TNFAIP3: variants seen among roughly 807,000 people sequenced by gnomAD.
The protein encoded by TNFAIP3 is TNF alpha induced protein 3, also known as tumor necrosis factor alpha-induced protein 3.
Under a neutral mutation model 72.4 loss-of-function variants are expected in TNFAIP3, and 9 were observed. The observed-to-expected ratio is 0.12, with a 90% CI of 0.07 to 0.22. TNFAIP3 has a LOEUF of 0.22. Ranked by LOEUF, TNFAIP3 falls within the 10% of genes least tolerant of loss-of-function variation. The pLI is 1.00. For synonymous variants in TNFAIP3, 339 were observed against 372.6 expected (o/e 0.91, Z 1.04); for missense variants, 833 against 1,018.7 (o/e 0.82, Z 2.48).
chr6:137,873,469 C>A (rs1330092516), intron 2 of TNFAIP3, among the ~76,000 whole-genome samples: 1 of 152,202 alleles, frequency 6.6e-6, no homozygotes, highest in Non-Finnish European at 1.5e-5. Flanking sequence ...CTTGGAAAGT[C>A]CAGGGTGCAC....
intron 5 of TNFAIP3, 41 bp from the exon 6 acceptor site, chr6:137,877,035 A>T: frequency 6.9e-7 from 1 of 1,453,750 alleles, no homozygotes; most frequent in Non-Finnish European, 9.3e-7. Context: ...GGCCTTGTTT[A>T]GTAGAATACT....
chr6:137,880,247 C>T lies in TNFAIP3; in HGVS notation c.2083C>T (p.Gln695Ter), dbSNP rs1562274122. Reference protein sequence around the residue: ...RFHEAKRTEEQLRSSQRRDVP... With the variant: ...RFHEAKRTEE ...TCATGAGGCCAAAAGGACAGAAGAG[C>T]AACTGGTGAGACACTTGGAGGAGCT... The change falls in exon 8 of 9, where the codon CAA becomes TAA. Residue 695 changes from glutamine to a stop codon, truncating the protein, a stop_gained. Transcript: ENST00000612899. LOFTEE classifies it high-confidence loss of function. 1 of 1,614,060 alleles carries T rather than the reference C, an allele frequency of 6.2e-7. No individual in the cohort carries two copies. Among genetic ancestry groups the T allele is most frequent in the South Asian group, 1.1e-5 (1 of 91,088 alleles).
chr6:137,879,332 C>T lies in TNFAIP3; in HGVS notation c.1887C>T (p.Ile629=), dbSNP rs745995933. 1 of 1,613,288 alleles carries T rather than the reference C, an allele frequency of 6.2e-7. No homozygotes were observed. The highest frequency in any genetic ancestry group is 8.5e-7 in the Non-Finnish European group (1 of 1,179,468). Residue 629 remains isoleucine (I), a synonymous_variant, in exon 7 of 9, where the codon ATC becomes ATT. Coordinates refer to ENST00000612899, the MANE Select transcript of TNFAIP3 (RefSeq NM_001270508.2). ...ENKGFCTLCF[I]EYRENKHFAA... is the part of the protein sequence containing the mutation. ...AGGGCTTTTGCACACTGTGTTTCAT[C>T]GAGTACAGAGAAAACAAACGTGAGT...
At chr6:137,875,920 T>G in intron 4 of TNFAIP3, 76 bp from the exon 5 acceptor site, 1 of 1,601,714 alleles carries the variant, frequency 6.2e-7, no homozygotes. Context: ...ACTGCCAAAG[T>G]TCAGGTAACA....
rs548886081 is a variant in TNFAIP3 at position 137,876,060 on chromosome 6, C to T, written c.699C>T (p.Tyr233=). 2 of 1,614,162 alleles carry T rather than the reference C, an allele frequency of 1.2e-6. No homozygotes were observed. The highest frequency in any genetic ancestry group is 2.2e-5 in the South Asian group (2 of 91,068). Residue 233 remains tyrosine (Y), a synonymous_variant, in exon 5 of 9, where the codon TAC becomes TAT. Coordinates refer to ENST00000612899, the MANE Select transcript of TNFAIP3 (RefSeq NM_001270508.2). ...NFAPLKVGGI[Y]LPLHWPAQEC... The stretch of plus-strand genomic sequence containing the variant: ...CCCCTTTGAAAGTGGGTGGAATTTA[C>T]TTGCCTCTCCACTGGCCTGCCCAGG...
In TNFAIP3 at chr6:137,877,087, G is replaced by C; in HGVS notation, c.817G>C (p.Val273Leu). ...LKDSGPEIRAVPLVNRDRGRF... is the reference protein window; with the variant it reads ...LKDSGPEIRALPLVNRDRGRF... ...ATTTTTTTCCTTAGAAATCCGAGCTGTTCCACTTGTTAACAGAGACCGGGG... is the reference window on the plus strand; with the variant it reads ...ATTTTTTTCCTTAGAAATCCGAGCTCTTCCACTTGTTAACAGAGACCGGGG... Residue 273 changes from valine (V) to leucine (L), a missense_variant, in exon 6 of 9, where the codon GTT becomes CTT. Around this residue, in one of 2 missense-constraint regions of TNFAIP3, gnomAD observed 246 missense variants for 360.9 expected, o/e 0.68. Coordinates refer to ENST00000612899, the MANE Select transcript of TNFAIP3 (RefSeq NM_001270508.2). 1 of 1,602,888 alleles carries C rather than the reference G, an allele frequency of 6.2e-7. No homozygotes were observed. The highest frequency in any genetic ancestry group is 8.5e-7 in the Non-Finnish European group (1 of 1,174,246).
chr6:137,883,209 C>T lies in TNFAIP3; in HGVS notation c.*1890C>T, dbSNP rs562176404. On this transcript the variant is annotated 3_prime_UTR_variant, in exon 9 of 9. Transcript: ENST00000612899. ...TTTGAAATTTGCACATTTAATTGTCCCTAATAGAAAGCCACCTATTCTTTG... is the reference window on the plus strand; with the variant it reads ...TTTGAAATTTGCACATTTAATTGTCTCTAATAGAAAGCCACCTATTCTTTG... 1.5e-5 allele frequency: 3 copies of T among 197,540 alleles called. No homozygotes were observed. The East Asian group carries it at 2.5e-4, about 16-fold the overall frequency. The allele number at this position is 197,540 out of a possible 1,614,324, so 12.2% of individuals were successfully genotyped here.
chr6:137,875,100 G>A (rs1031760865), intron 3 of TNFAIP3, 65 bp downstream of exon 3: 20 of 1,573,766 alleles, frequency 1.3e-5, no homozygotes, highest in Middle Eastern at 1.7e-4. Context: ...ACCCCTGGGC[G>A]AGTCCCTGCC....
At chr6:137,876,522 T>C (rs1456443398) in intron 5 of TNFAIP3, among the ~76,000 whole-genome samples, 1 of 151,970 alleles carries the variant, frequency 6.6e-6, no homozygotes, top group Non-Finnish European at 1.5e-5. Flanking sequence ...CATGGCTCAT[T>C]GCAGCCTCCA....
chr6:137,879,034 G>A lies in TNFAIP3; in HGVS notation c.1589G>A (p.Arg530Lys). The change falls in exon 7 of 9, where the codon AGG becomes AAG. Residue 530 changes from arginine (R) to lysine (K), a missense_variant. Physicochemically the swap from Arg to Lys is conservative, Grantham distance 26. Transcript: ENST00000612899. ...KCQACLQDVTRTFNGICSTCF... is the reference protein window; with the variant it reads ...KCQACLQDVTKTFNGICSTCF... ...CAAGCCTGCCTCCAGGATGTTACCA[G>A]GACATTTAATGGGATCTGCAGTACT... The A allele has an allele frequency of 6.2e-7, 1 of 1,614,230 alleles. No individual in the cohort carries two copies. Among genetic ancestry groups the A allele is most frequent in the Non-Finnish European group, 8.5e-7 (1 of 1,180,038 alleles).
At position 137,877,267 on chromosome 6, in the gene TNFAIP3, T is replaced by C; in HGVS notation, c.986+11T>C. ...CATCAATGCCGCAAAGTAAGCAGTT[T>C]ATGTTCAGCTCTCTCCTGTGTCATC... On this transcript the variant is annotated intron_variant, in intron 6 of 8. Coordinates refer to ENST00000612899, the MANE Select transcript of TNFAIP3 (RefSeq NM_001270508.2). 6.2e-7 allele frequency: 1 copy of C among 1,602,090 alleles called. No individual in the cohort carries two copies. The highest frequency in any genetic ancestry group is 8.5e-7 in the Non-Finnish European group (1 of 1,174,260).
intron 5 of TNFAIP3, 76 bp downstream of exon 5, chr6:137,876,242 AAC>A: frequency 2.4e-6 from 3 of 1,237,360 alleles, no homozygotes; most frequent in Non-Finnish European, 3.5e-6. Flanking sequence ...TTCTTATTAA[AAC>A]AGTCTTATTT....
At chr6:137,880,907 C>T in intron 8 of TNFAIP3, 128 bp from the exon 9 acceptor site, 1 of 992,988 alleles carries the variant, frequency 1.0e-6, no homozygotes, top group Non-Finnish European at 1.5e-6. Flanking sequence ...TCTCCTGTTC[C>T]CTTGCTCAGG....
Position 137,875,849 on chromosome 6 carries a change from A to C in TNFAIP3, c.634+14A>C. On this transcript the variant is annotated intron_variant, in intron 4 of 8. Transcript: ENST00000612899. ...TTGTCATTTCAGGTGAGATGCCTGC[A>C]GATCACGGATCTGTACTTAAATGCT... 1.2e-6 allele frequency: 2 copies of C among 1,614,156 alleles called. No homozygotes were observed. The highest frequency in any genetic ancestry group is 1.7e-6 in the Non-Finnish European group (2 of 1,180,006).
At chr6:137,874,434 G>A (rs148526648) in intron 2 of TNFAIP3, among the ~76,000 whole-genome samples, 33 of 152,314 alleles carry the variant, frequency 2.2e-4, no homozygotes, top group African/African-American at 7.7e-4. Context: ...CTAGAGAGCA[G>A]CAATGCCAGT....
chr6:137,874,625 G>A (rs1265230508), intron 2 of TNFAIP3, among the ~76,000 whole-genome samples: 1 of 152,076 alleles, frequency 6.6e-6, no homozygotes, highest in Non-Finnish European at 1.5e-5. Context: ...CTTTGCAGTT[G>A]GTGTCATTCA....
At chr6:137,869,789 G>T (rs774373306) in intron 1 of TNFAIP3, among the ~76,000 whole-genome samples, 1 of 152,180 alleles carries the variant, frequency 6.6e-6, no homozygotes, top group Non-Finnish European at 1.5e-5. Flanking sequence ...CTGGAAAGTT[G>T]CCCTGGCAAA....
chr6:137,875,412 A>AGGGGCTGC (rs1360564313), intron 3 of TNFAIP3, among the ~76,000 whole-genome samples: 1 of 152,168 alleles, frequency 6.6e-6, no homozygotes, highest in Non-Finnish European at 1.5e-5. Flanking sequence ...CATTTGGATA[A>AGGGGCTGC]GGGGCTGCAA....
chr6:137,880,075 T>G lies in TNFAIP3; in HGVS notation c.1911T>G (p.Phe637Leu). The G allele has an allele frequency of 6.2e-7, 1 of 1,614,084 alleles. No individual in the cohort carries two copies. The highest frequency in any genetic ancestry group is 1.3e-5 in the African/African-American group (1 of 75,050). Reference protein sequence around the residue: ...CFIEYRENKHFAAASGKVSPT... With the variant: ...CFIEYRENKHLAAASGKVSPT... ...CTAGCATCCATTCTCATGTAGATTTTGCTGCTGCCTCAGGGAAAGTCAGTC... is the reference window on the plus strand; with the variant it reads ...CTAGCATCCATTCTCATGTAGATTTGGCTGCTGCCTCAGGGAAAGTCAGTC... Residue 637 changes from phenylalanine (F) to leucine (L), a missense_variant, in exon 8 of 9, where the codon TTT becomes TTG. Physicochemically the swap from Phe to Leu is conservative, Grantham distance 22. Coordinates refer to ENST00000612899, the MANE Select transcript of TNFAIP3 (RefSeq NM_001270508.2).
Sources: gnomAD v4.1 joint callset for allele counts (sites outside exome capture counted in the v4.1 genomes callset) on GRCh38, gnomAD v4.1.1 for gene constraint, gnomAD v4.1.1 regional missense constraint, MANE v1.5 for transcripts, NCBI Gene and HGNC (gene_info 2026-07-23, HGNC 2026-07-21) for gene names.